The following IL1RAPL2 variants were observed in gnomAD, a reference collection of about 807,000 sequenced individuals.
IL1RAPL2 encodes the protein X-linked interleukin-1 receptor accessory protein-like 2.
Under a neutral mutation model 44.1 loss-of-function variants are expected in IL1RAPL2, and 3 were observed. The ratio of observed to expected loss-of-function variants is 0.07; its 90% CI spans 0.03 to 0.18. IL1RAPL2 has a LOEUF of 0.18. Among genes scored for constraint, IL1RAPL2 ranks in the 10% least tolerant of loss-of-function variants. The pLI, the probability that IL1RAPL2 is intolerant of heterozygous loss-of-function variation, is 1.00. For missense variants in IL1RAPL2, 391 were observed against 496.4 expected, an observed-to-expected ratio of 0.79 and a Z score of 2.02; for synonymous variants, 181 against 178.8, an observed-to-expected ratio of 1.01 and a Z score of -0.10.
chrX:105,486,596 C>G (rs1021948759), intron 6 of IL1RAPL2, among the ~76,000 whole-genome samples: 3 of 110,831 alleles, frequency 2.7e-5, no homozygotes, highest in Non-Finnish European at 5.7e-5. Flanking sequence ...AAAAATATTC[C>G]AAGGGAACTT....
chrX:104,919,137 A>T (rs1037788098), intron 2 of IL1RAPL2, among the ~76,000 whole-genome samples: 1 of 111,493 alleles, frequency 9.0e-6, no homozygotes, highest in East Asian at 2.8e-4. Context: ...TACACAGCAT[A>T]GGATACTACA....
At chrX:104,905,638 G>T (rs1184756871) in intron 2 of IL1RAPL2, among the ~76,000 whole-genome samples, 3 of 111,222 alleles carry the variant, frequency 2.7e-5, no homozygotes, top group African/African-American at 9.8e-5. Context: ...ATTTCTGAGG[G>T]CTCTGTTCTG....
At chrX:104,656,450 A>G (rs1930264348) in intron 1 of IL1RAPL2, among the ~76,000 whole-genome samples, 1 of 111,837 alleles carries the variant, frequency 8.9e-6, no homozygotes, top group Non-Finnish European at 1.9e-5. Flanking sequence ...ATCATTCAGG[A>G]GCATGTTGTT....
chrX:104,777,916 C>T (rs934784513), intron 2 of IL1RAPL2, among the ~76,000 whole-genome samples: 13 of 111,066 alleles, frequency 1.2e-4, no homozygotes, highest in African/African-American at 4.3e-4. Context: ...GGTAATTCTA[C>T]TTTTAATATT....
At chrX:104,760,611 C>T (rs1352737839) in intron 2 of IL1RAPL2, among the ~76,000 whole-genome samples, 1 of 112,030 alleles carries the variant, frequency 8.9e-6, no homozygotes, top group African/African-American at 3.2e-5. Context: ...AAATATTTTA[C>T]CCATCTTTTG....
At chrX:105,269,843 A>G (rs185512947) in intron 5 of IL1RAPL2, among the ~76,000 whole-genome samples, 6 of 112,315 alleles carry the variant, frequency 5.3e-5, no homozygotes, top group African/African-American at 1.9e-4. Context: ...TTGAACCAGA[A>G]TAAAGTAAAT....
intron 2 of IL1RAPL2, among the ~76,000 whole-genome samples, chrX:104,847,448 G>A (rs1472963841): frequency 9.0e-6 from 1 of 111,496 alleles, no homozygotes; most frequent in Non-Finnish European, 1.9e-5. Flanking sequence ...GTTAAATAGG[G>A]AATCCTTTCC....
intron 1 of IL1RAPL2, among the ~76,000 whole-genome samples, chrX:104,618,613 G>A (rs776672564): frequency 1.8e-5 from 2 of 111,440 alleles, no homozygotes; most frequent in African/African-American, 3.3e-5. Flanking sequence ...CAAAGGAGGG[G>A]TGGGGGTGAC....
chrX:105,468,955 A>G (rs1180533558), intron 5 of IL1RAPL2, among the ~76,000 whole-genome samples: 2 of 111,799 alleles, frequency 1.8e-5, no homozygotes, highest in African/African-American at 6.5e-5. Flanking sequence ...TAGGAAAAAA[A>G]TGTAAAGCTT....
intron 6 of IL1RAPL2, among the ~76,000 whole-genome samples, chrX:105,682,896 CA>C (rs2037937450): frequency 9.0e-6 from 1 of 111,000 alleles, no homozygotes; most frequent in African/African-American, 3.3e-5. Context: ...TTGGGGAAGG[CA>C]AAAATAAAAA....
chrX:105,658,451 A>G (rs1286712542), intron 6 of IL1RAPL2, among the ~76,000 whole-genome samples: 1 of 112,373 alleles, frequency 8.9e-6, no homozygotes, highest in Non-Finnish European at 1.9e-5. Context: ...AGAAGGGTGG[A>G]CACAAACAAG....
intron 6 of IL1RAPL2, among the ~76,000 whole-genome samples, chrX:105,513,561 T>C (rs1819392624): frequency 3.6e-5 from 4 of 112,281 alleles, no homozygotes; most frequent in Non-Finnish European, 7.5e-5. Flanking sequence ...GCTGTATAAA[T>C]GTCTTCTTTT....
At chrX:104,865,802 C>T (rs1357912388) in intron 2 of IL1RAPL2, among the ~76,000 whole-genome samples, 1 of 112,945 alleles carries the variant, frequency 8.9e-6, no homozygotes, top group Non-Finnish European at 1.9e-5. Context: ...GCTCTCAGGC[C>T]TTCGGCCACA....
intron 2 of IL1RAPL2, among the ~76,000 whole-genome samples, chrX:104,950,678 C>T (rs1338489425): frequency 9.5e-6 from 1 of 105,506 alleles, no homozygotes; most frequent in Non-Finnish European, 2.0e-5. Flanking sequence ...TCCTGGTGAG[C>T]TGTTTTTTGT....
chrX:104,779,697 A>G, intron 2 of IL1RAPL2, among the ~76,000 whole-genome samples: 1 of 111,898 alleles, frequency 8.9e-6, no homozygotes, highest in Middle Eastern at 4.6e-3. Context: ...GAAGTTACAT[A>G]GCTTGTCCAA....
At chrX:105,228,654 A>T (rs2034039827) in intron 3 of IL1RAPL2, among the ~76,000 whole-genome samples, 1 of 112,632 alleles carries the variant, frequency 8.9e-6, no homozygotes, top group South Asian at 3.7e-4. Context: ...TATGCAAATT[A>T]ACATTATTCC....
intron 2 of IL1RAPL2, among the ~76,000 whole-genome samples, chrX:104,901,478 T>A (rs1345851469): frequency 2.7e-5 from 3 of 110,114 alleles, no homozygotes; most frequent in African/African-American, 6.6e-5. Context: ...CCCAGAGTGC[T>A]GGGATTACAG....
chrX:105,018,584 A>C (rs928406496), intron 2 of IL1RAPL2, among the ~76,000 whole-genome samples: 12 of 111,589 alleles, frequency 1.1e-4, no homozygotes, highest in African/African-American at 3.9e-4. Context: ...CGAATCACCT[A>C]GTAAGGCAGT....
rs758647609 is a variant in IL1RAPL2 at position 105,430,175 on chromosome X, A to G, written c.698-54138A>G. On this transcript the variant is annotated intron_variant, in intron 5 of 10. Coordinates refer to ENST00000372582, the MANE Select transcript of IL1RAPL2 (RefSeq NM_017416.2). ...AATGATTCTTAACCCCAGTATGACA[A>G]TAATATGGGGCAGGAAGATTGAGCA... Among the ~76,000 whole-genome samples, 10 of 111,819 alleles carry G rather than the reference A, an allele frequency of 8.9e-5. No individual in the cohort carries two copies. In the South Asian group the frequency reaches 1.5e-3, roughly 17 times the overall value.
Sources: allele counts gnomAD v4.1 joint callset (sites outside exome capture counted in the v4.1 genomes callset), GRCh38; gene constraint gnomAD v4.1.1; transcripts MANE v1.5; gene names NCBI Gene and HGNC (gene_info 2026-07-23, HGNC 2026-07-21).